The following ZNF91 variants were observed in gnomAD, a reference collection of about 807,000 sequenced individuals.
ZNF91 encodes the protein zinc finger protein 91, also known as zinc finger protein 91 (HPF7, HTF10).
A neutral mutation model predicts 12.6 loss-of-function variants in ZNF91; 7 were observed. The observed-to-expected ratio is 0.55, with a 90% CI of 0.31 to 1.04. The LOEUF is 1.04. ZNF91 is among the 50% of genes least tolerant of loss of function. The pLI, the probability that ZNF91 is intolerant of heterozygous loss-of-function variation, is 0.05. For synonymous variants in ZNF91, 453 were observed against 462.6 expected, an observed-to-expected ratio of 0.98 and a Z score of 0.27; for missense variants, 1,217 against 1,385.4, an observed-to-expected ratio of 0.88 and a Z score of 1.93.
chr19:23,315,384 G>T (rs1175203546), upstream of ZNF91, among the ~76,000 whole-genome samples: 1 of 152,142 alleles, frequency 6.6e-6, no homozygotes. Flanking sequence ...AGAAGAGATA[G>T]TGACGTATCT....
intron 1 of ZNF91, among the ~76,000 whole-genome samples, chr19:23,331,701 C>T (rs902048319): frequency 7.9e-5 from 12 of 152,094 alleles, no homozygotes; most frequent in African/African-American, 2.9e-4. Flanking sequence ...GCCTTTGTTA[C>T]TCTGTTCTGC....
At chr19:23,369,704 C>T (rs1969191294) in intron 3 of ZNF91, among the ~76,000 whole-genome samples, 1 of 151,844 alleles carries the variant, frequency 6.6e-6, no homozygotes, top group Admixed American at 6.6e-5. Context: ...TATGACCTTA[C>T]CCCCAACCCT....
chr19:23,395,413 G>C lies in ZNF91; in HGVS notation c.-59C>G. ...AGGGCCACACAGGCTGGGCCTCCTG[G>C]AGCAGAGGACACAGAGCAGTGAAGT... On this transcript the variant is annotated 5_prime_UTR_variant, in exon 1 of 4. Coordinates refer to ENST00000300619, the MANE Select transcript of ZNF91 (RefSeq NM_003430.4). 2 of 1,601,832 alleles carry C rather than the reference G, an allele frequency of 1.2e-6. No homozygotes were observed. The highest frequency in any genetic ancestry group is 1.7e-6 in the Non-Finnish European group (2 of 1,172,036).
At chr19:23,322,387 T>C (rs1273436130) in intron 1 of ZNF91, among the ~76,000 whole-genome samples, 2 of 152,192 alleles carry the variant, frequency 1.3e-5, no homozygotes, top group African/African-American at 4.8e-5. Flanking sequence ...ACCTAACTGT[T>C]GTGGCTCTCT....
chr19:23,341,642 C>A (rs1181221288), intron 3 of ZNF91, among the ~76,000 whole-genome samples: 1 of 151,968 alleles, frequency 6.6e-6, no homozygotes, highest in Admixed American at 6.6e-5. Flanking sequence ...CTCAATATCA[C>A]CTACCAAAAG....
At chr19:23,307,627 G>C (rs1001855436) in intron 2 of ZNF91, 2 of 152,184 alleles carry the variant, frequency 1.3e-5, no homozygotes, top group Non-Finnish European at 2.9e-5. Context: ...CCTGTCCACT[G>C]GGTGATTGTA....
At chr19:23,313,961 T>G (rs1216499141), upstream of ZNF91, among the ~76,000 whole-genome samples, 1 of 152,182 alleles carries the variant, frequency 6.6e-6, no homozygotes, top group Non-Finnish European at 1.5e-5. Flanking sequence ...AATCTTATCC[T>G]TGAACCTACC....
chr19:23,354,944 T>C (rs188890686), downstream of ZNF91, among the ~76,000 whole-genome samples: 485 of 152,252 alleles, frequency 3.2e-3, 2 homozygotes, highest in African/African-American at 0.011. Context: ...TACAAAACAC[T>C]GCTGAAACAA....
At chr19:23,351,053 C>T (rs931736831) in intron 3 of ZNF91, among the ~76,000 whole-genome samples, 3 of 152,164 alleles carry the variant, frequency 2.0e-5, no homozygotes, top group Non-Finnish European at 4.4e-5. Context: ...ATGCCGGGCA[C>T]GGTGGCTCAT....
intron 3 of ZNF91, among the ~76,000 whole-genome samples, chr19:23,368,496 C>CA (rs1969108493): frequency 7.0e-6 from 1 of 142,612 alleles, no homozygotes; most frequent in Non-Finnish European, 1.5e-5. Context: ...GCCTGGGTGA[C>CA]AGAGCGAAAC....
intron 1 of ZNF91, among the ~76,000 whole-genome samples, chr19:23,323,328 T>C (rs1280778717): frequency 6.9e-6 from 1 of 145,658 alleles, no homozygotes; most frequent in African/African-American, 2.5e-5. Flanking sequence ...CTCCATCTTC[T>C]CCTCGTCCTC....
upstream of ZNF91, among the ~76,000 whole-genome samples, chr19:23,313,378 G>T (rs1470246625): frequency 6.6e-6 from 1 of 152,160 alleles, no homozygotes. Flanking sequence ...CTGCTCACAG[G>T]GGGGATTGTG....
chr19:23,371,366 A>T (rs556953666), intron 3 of ZNF91, among the ~76,000 whole-genome samples: 1 of 152,154 alleles, frequency 6.6e-6, no homozygotes, highest in African/African-American at 2.4e-5. Context: ...AAGAAAAAAA[A>T]ATGAGATAAG....
chr19:23,374,515 T>C, intron 2 of ZNF91, 123 bp downstream of exon 2: 1 of 1,010,406 alleles, frequency 9.9e-7, no homozygotes, highest in Non-Finnish European at 1.3e-6. Context: ...AGCCAAGATC[T>C]CGCCACTGCA....
intron 1 of ZNF91, among the ~76,000 whole-genome samples, chr19:23,330,193 T>C (rs1360443949): frequency 1.3e-5 from 2 of 151,986 alleles, no homozygotes; most frequent in African/African-American, 2.4e-5. Flanking sequence ...CAGCCGGGTG[T>C]TGGGGCGGGC....
intron 1 of ZNF91, among the ~76,000 whole-genome samples, chr19:23,377,247 T>G (rs1348878378): frequency 6.6e-6 from 1 of 152,132 alleles, no homozygotes; most frequent in East Asian, 1.9e-4. Context: ...GAATGTATCT[T>G]AAACTTCTCA....
At chr19:23,344,707 C>A (rs950540814) in intron 3 of ZNF91, among the ~76,000 whole-genome samples, 18 of 152,152 alleles carry the variant, frequency 1.2e-4, no homozygotes, top group Non-Finnish European at 1.5e-5. Context: ...CCAGCAGCAA[C>A]CCCAATAAGA....
At chr19:23,364,301 G>A (rs1227056339) in intron 3 of ZNF91, among the ~76,000 whole-genome samples, 2 of 152,172 alleles carry the variant, frequency 1.3e-5, no homozygotes, top group African/African-American at 2.4e-5. Context: ...TACAAAATTA[G>A]CTGTGCGTGG....
At chr19:23,370,355 G>C (rs1969226010) in intron 3 of ZNF91, among the ~76,000 whole-genome samples, 1 of 152,174 alleles carries the variant, frequency 6.6e-6, no homozygotes. Context: ...CATAAAAACA[G>C]AAAGTGGAAG....
Sources: allele counts gnomAD v4.1 joint callset (sites outside exome capture counted in the v4.1 genomes callset), GRCh38; gene constraint gnomAD v4.1.1; transcripts MANE v1.5; gene names NCBI Gene and HGNC (gene_info 2026-07-23, HGNC 2026-07-21).